The following SP1 variants were observed in gnomAD, a reference collection of about 807,000 sequenced individuals.
SP1 encodes Sp1 transcription factor.
In SP1, 6 loss-of-function variants were observed where a neutral mutation model predicts 66.3. The ratio of observed to expected loss-of-function variants is 0.09; its 90% CI spans 0.05 to 0.18. SP1 has a LOEUF of 0.18. Among genes scored for constraint, SP1 ranks in the 10% least tolerant of loss-of-function variants. The pLI is 1.00. For synonymous variants in SP1, 417 were observed against 360.8 expected (o/e 1.16, Z -1.77); for missense variants, 848 against 964.5 (o/e 0.88, Z 1.60).
At chr12:53,381,234 T>A (rs1441949681) in intron 1 of SP1, 1 of 155,300 alleles carries the variant, frequency 6.4e-6, no homozygotes, top group Admixed American at 6.5e-5. Context: ...ATTACAGGCG[T>A]GACCACCGCG....
In SP1 at chr12:53,413,206, G is replaced by T. The variant is rs1938931166; in HGVS notation, c.*1966G>T. 6.6e-6 allele frequency: 1 copy of T among 152,478 alleles called. No homozygotes were observed. The highest frequency in any genetic ancestry group is 2.4e-5 in the African/African-American group (1 of 41,438). 9.4% of individuals were successfully genotyped at this position (152,478 alleles called of 1,614,324 possible). A position where few individuals can be genotyped will look rare whatever the true frequency, so the allele number is the denominator to read the frequency against. Reference sequence around the variant, plus strand: ...GAAATCTATCTTAAAACCTGGGTATGTTCCTAAGGTCATTTCTTTGCTTAT... The same window carrying T: ...GAAATCTATCTTAAAACCTGGGTATTTTCCTAAGGTCATTTCTTTGCTTAT... On this transcript the variant is annotated 3_prime_UTR_variant, in exon 6 of 6. Transcript: ENST00000327443.
intron 3 of SP1, among the ~76,000 whole-genome samples, chr12:53,401,510 A>G (rs1369451218): frequency 2.0e-5 from 3 of 151,408 alleles, no homozygotes; most frequent in Admixed American, 6.6e-5. Flanking sequence ...TCATGCACAC[A>G]ACGAGCAATG....
intron 3 of SP1, among the ~76,000 whole-genome samples, chr12:53,395,540 C>T (rs1414475218): frequency 6.6e-6 from 1 of 152,082 alleles, no homozygotes; most frequent in Non-Finnish European, 1.5e-5. Context: ...CTAGCAGGCT[C>T]AAGAATGAGA....
chr12:53,389,291 G>A (rs1425626877), intron 3 of SP1, among the ~76,000 whole-genome samples: 2 of 144,270 alleles, frequency 1.4e-5, no homozygotes, highest in African/African-American at 5.2e-5. Flanking sequence ...GTGTGGTCTC[G>A]GCTCACTGCA....
At chr12:53,394,045 G>C (rs994119916) in intron 3 of SP1, among the ~76,000 whole-genome samples, 2 of 151,936 alleles carry the variant, frequency 1.3e-5, no homozygotes, top group African/African-American at 2.4e-5. Context: ...AGAAACCCCC[G>C]TCTGTACTAA....
intron 3 of SP1, among the ~76,000 whole-genome samples, chr12:53,386,479 C>CTTTTT (rs372557385): frequency 8.2e-6 from 1 of 121,260 alleles, no homozygotes. Flanking sequence ...TAGACTGTAT[C>CTTTTT]TTTTTTTTTT....
At chr12:53,395,489 A>G (rs1408720095) in intron 3 of SP1, among the ~76,000 whole-genome samples, 1 of 152,212 alleles carries the variant, frequency 6.6e-6, no homozygotes, top group African/African-American at 2.4e-5. Flanking sequence ...GTTAACTTAC[A>G]TAGGCATTTG....
Position 53,383,274 on chromosome 12 carries a change from G to A in SP1, c.1327G>A (p.Val443Ile), listed in dbSNP as rs778311075. The A allele has an allele frequency of 3.7e-6, 6 of 1,614,214 alleles. No individual in the cohort carries two copies. Among genetic ancestry groups the A allele is most frequent in the Non-Finnish European group, 5.1e-6 (6 of 1,180,048 alleles). ...ETLQNLQLQA[V>I]PNSGPIIIRT... ...CCTCCAGAACCTCCAGCTTCAGGCTGTTCCAAACTCTGGTCCCATCATCAT... is the reference window on the plus strand; with the variant it reads ...CCTCCAGAACCTCCAGCTTCAGGCTATTCCAAACTCTGGTCCCATCATCAT... The change falls in exon 3 of 6, where the codon GTT becomes ATT. Residue 443 changes from valine to isoleucine, a missense_variant. Physicochemically the swap from Val to Ile is conservative, Grantham distance 29. This residue lies in a region of SP1 where 606 missense variants were observed against 589.9 expected (regional missense o/e 1.03). Transcript: ENST00000327443.
chr12:53,406,350 T>G (rs1366029947), intron 3 of SP1, among the ~76,000 whole-genome samples: 1 of 152,108 alleles, frequency 6.6e-6, no homozygotes, highest in Admixed American at 6.6e-5. Flanking sequence ...ATTACAGGCG[T>G]GAACCACTGC....
intron 3 of SP1, among the ~76,000 whole-genome samples, chr12:53,386,944 T>G (rs554993588): frequency 4.0e-5 from 6 of 151,642 alleles, no homozygotes; most frequent in South Asian, 2.1e-4. Flanking sequence ...AGGTTTGTTT[T>G]TTTTTTTTTT....
chr12:53,394,984 C>A (rs1179412035), intron 3 of SP1, among the ~76,000 whole-genome samples: 2 of 151,972 alleles, frequency 1.3e-5, no homozygotes, highest in African/African-American at 4.8e-5. Context: ...TCCGACTCAG[C>A]CTCCCCAGTA....
At position 53,383,469 on chromosome 12, in the gene SP1, G is replaced by T; in HGVS notation, c.1522G>T (p.Ala508Ser). 6.2e-7 allele frequency: 1 copy of T among 1,614,228 alleles called. No homozygotes were observed. The highest frequency in any genetic ancestry group is 8.5e-7 in the Non-Finnish European group (1 of 1,180,044). ...SNTTLTPIASAASIPAGTVTV... is the reference protein window; with the variant it reads ...SNTTLTPIASSASIPAGTVTV... ...CACCACTCTCACACCCATTGCCTCA[G>T]CTGCTTCCATTCCTGCTGGCACAGT... is the stretch of plus-strand genomic sequence containing the variant. The change falls in exon 3 of 6, where the codon GCT becomes TCT. Residue 508 changes from alanine (A) to serine (S), a missense_variant. Coordinates refer to ENST00000327443, the MANE Select transcript of SP1 (RefSeq NM_138473.3).
At chr12:53,395,884 G>A (rs1415247525) in intron 3 of SP1, among the ~76,000 whole-genome samples, 2 of 152,134 alleles carry the variant, frequency 1.3e-5, no homozygotes, top group African/African-American at 4.8e-5. Flanking sequence ...CACTTTGGGA[G>A]GCTGAAGCGA....
At chr12:53,406,050 C>G (rs550395088) in intron 3 of SP1, among the ~76,000 whole-genome samples, 1 of 133,800 alleles carries the variant, frequency 7.5e-6, no homozygotes, top group South Asian at 2.5e-4. Flanking sequence ...TTTATTGGCT[C>G]TTGGTATTTT....
rs932581314 is a variant in SP1, at chr12:53,410,079, G to T, written c.2044+518G>T. Among the ~76,000 whole-genome samples the T allele has an allele frequency of 2.0e-5, 3 of 151,882 alleles. No individual in the cohort carries two copies. The East Asian group carries it at 5.8e-4, about 29-fold the overall frequency. ...CCCAGCCCTTTGGGAGGCCGAGGTG[G>T]GTGGATTTCTTGAGGTCAGGAGTTC... On this transcript the variant is annotated intron_variant, in intron 5 of 5. Coordinates refer to ENST00000327443, the MANE Select transcript of SP1 (RefSeq NM_138473.3).
At chr12:53,398,375 C>T (rs1191899781) in intron 3 of SP1, among the ~76,000 whole-genome samples, 7 of 152,190 alleles carry the variant, frequency 4.6e-5, no homozygotes, top group African/African-American at 7.2e-5. Context: ...CTCTGCCTCC[C>T]GGGTTCAAGC....
intron 3 of SP1, among the ~76,000 whole-genome samples, chr12:53,405,238 C>T (rs1938706264): frequency 6.6e-6 from 1 of 152,118 alleles, no homozygotes; most frequent in African/African-American, 2.4e-5. Flanking sequence ...CTCAGCCTTC[C>T]AAAGTGCTGA....
chr12:53,403,375 T>C (rs576233175), intron 3 of SP1, among the ~76,000 whole-genome samples: 135 of 152,268 alleles, frequency 8.9e-4, no homozygotes, highest in African/African-American at 3.1e-3. Flanking sequence ...TTTTGTTTTT[T>C]TGAGATGGGC....
rs1370034494 is a variant in SP1, at chr12:53,381,779, C to T, written c.128C>T (p.Thr43Ile). 1 of 1,614,040 alleles carries T rather than the reference C, an allele frequency of 6.2e-7. No homozygotes were observed. The highest frequency in any genetic ancestry group is 8.5e-7 in the Non-Finnish European group (1 of 1,179,972). ...TTTTCACAGGCTCGAAGTAGCAGCACAGGCAGTAGCAGCAGCACTGGAGGA... is the reference window on the plus strand; with the variant it reads ...TTTTCACAGGCTCGAAGTAGCAGCATAGGCAGTAGCAGCAGCACTGGAGGA... Reference protein sequence around the residue: ...GAFSQARSSSTGSSSSTGGGG... With the variant: ...GAFSQARSSSIGSSSSTGGGG... The change falls in exon 2 of 6, where the codon ACA becomes ATA. Residue 43 changes from threonine (T) to isoleucine (I), a missense_variant. Physicochemically the swap from Thr to Ile is moderately conservative, Grantham distance 89. This residue lies in a region of SP1 where 84 missense variants were observed against 73.9 expected (regional missense o/e 1.14). Transcript: ENST00000327443.
Sources: allele counts gnomAD v4.1 joint callset (sites outside exome capture counted in the v4.1 genomes callset), GRCh38; gene constraint gnomAD v4.1.1; regional missense constraint gnomAD v4.1.1; transcripts MANE v1.5; gene names NCBI Gene and HGNC (gene_info 2026-07-23, HGNC 2026-07-21).